Variants in DPF3 observed in about 807,000 individuals in gnomAD.
DPF3 encodes the protein zinc finger protein DPF3.
A neutral mutation model predicts 56.8 loss-of-function variants in DPF3; 18 were observed. The observed-to-expected ratio is 0.32, with a 90% CI of 0.22 to 0.47. The LOEUF (loss-of-function observed/expected upper bound fraction) is 0.47. Among genes scored for constraint, DPF3 ranks in the 20% least tolerant of loss-of-function variants. The probability of loss-of-function intolerance (pLI) is 1.00; values close to 1 mark genes in which losing one functional copy is unlikely to be tolerated. For missense variants in DPF3, 403 were observed against 488.8 expected, an observed-to-expected ratio of 0.82 and a Z score of 1.65; for synonymous variants, 188 against 180.2, an observed-to-expected ratio of 1.04 and a Z score of -0.35.
Position 72,618,300 on chromosome 14 carries a change from C to A in DPF3, c.*997G>T, listed in dbSNP as rs138109216. On this transcript the variant is annotated 3_prime_UTR_variant, in exon 11 of 11. Coordinates refer to ENST00000556509, the MANE Select transcript of DPF3 (RefSeq NM_001280542.3). ...ATTACTTGGAAAAAGGAATTCAGAG[C>A]GTCGCATCAATACTGAAGGTTTCTC... 1.9e-3 allele frequency among the ~76,000 whole-genome samples: 282 copies of A among 152,328 alleles called. 1 individual carries two copies. The highest frequency in any genetic ancestry group is 6.6e-3 in the African/African-American group (275 of 41,568).
At chr14:72,732,062 G>A (rs1889678310) in intron 3 of DPF3, 128 bp from the exon 4 acceptor site, 3 of 1,236,158 alleles carry the variant, frequency 2.4e-6, no homozygotes, top group Non-Finnish European at 3.3e-6. Context: ...TCTCCTCCTG[G>A]AGGGAGAGGA....
intron 1 of DPF3, among the ~76,000 whole-genome samples, chr14:72,807,299 A>G (rs529663279): frequency 1.3e-5 from 2 of 152,346 alleles, no homozygotes; most frequent in African/African-American, 2.4e-5. Flanking sequence ...TGAAGCACCT[A>G]TTTCTTAGGA....
chr14:72,854,068 T>C (rs374414182), intron 1 of DPF3, among the ~76,000 whole-genome samples: 2 of 152,294 alleles, frequency 1.3e-5, no homozygotes, highest in South Asian at 2.1e-4. Context: ...ATTAAAGTCA[T>C]CTTTTTGGCC....
At chr14:72,817,601 C>A (rs1461266689) in intron 1 of DPF3, among the ~76,000 whole-genome samples, 2 of 152,060 alleles carry the variant, frequency 1.3e-5, no homozygotes, top group Non-Finnish European at 2.9e-5. Flanking sequence ...TTGAACCCAC[C>A]CAGCAGATGG....
At chr14:72,888,095 C>T (rs1189890266) in intron 1 of DPF3, among the ~76,000 whole-genome samples, 1 of 152,102 alleles carries the variant, frequency 6.6e-6, no homozygotes, top group Non-Finnish European at 1.5e-5. Flanking sequence ...AGAACTGAGG[C>T]CTGGCTGGTG....
At position 72,798,254 on chromosome 14, in the gene DPF3, CAAAAAAAAAAAAAAAAAA is replaced by C. The variant is rs35648169; in HGVS notation, c.33-26379_33-26362del. Among the ~76,000 whole-genome samples, 15 of 53,948 alleles carry C rather than the reference CAAAAAAAAAAAAAAAAAA, an allele frequency of 2.8e-4. No individual in the cohort carries two copies. In the Admixed American group the frequency reaches 4.5e-3, roughly 16 times the overall value. 35.4% of individuals were successfully genotyped at this position (53,948 alleles called of 152,430 possible). A position where few individuals can be genotyped will look rare whatever the true frequency, so the allele number is the denominator to read the frequency against. On this transcript the variant is annotated intron_variant, in intron 1 of 10. Coordinates refer to ENST00000556509, the MANE Select transcript of DPF3 (RefSeq NM_001280542.3). ...GGGAAGACAGAGCTAGCCTTCATCTCAAAAAAAAAAAAAAAAAAAAAAAAAAAAAGATTCTACTTCCTC... is the reference window on the plus strand; with the variant it reads ...GGGAAGACAGAGCTAGCCTTCATCTCAAAAAAAAAAAGATTCTACTTCCTC...
chr14:72,830,164 A>C (rs1188386783), intron 1 of DPF3, among the ~76,000 whole-genome samples: 1 of 152,208 alleles, frequency 6.6e-6, no homozygotes, highest in African/African-American at 2.4e-5. Flanking sequence ...ATATCCCCAA[A>C]GTCAGGATAA....
In DPF3 at chr14:72,612,551, C is replaced by A. The variant is rs1449662505; in HGVS notation, c.*6746G>T. 1.9e-6 allele frequency: 1 copy of A among 515,182 alleles called. No homozygotes were observed. The highest frequency in any genetic ancestry group is 3.9e-6 in the Non-Finnish European group (1 of 259,500). 31.9% of individuals were successfully genotyped at this position (515,182 alleles called of 1,614,324 possible). Reference sequence around the variant, plus strand: ...TCCCACTTCCCACCTCCACCCCACTCCTTAGCATCTATCACGGCAGAGGGA... The same window carrying A: ...TCCCACTTCCCACCTCCACCCCACTACTTAGCATCTATCACGGCAGAGGGA... On this transcript the variant is annotated 3_prime_UTR_variant, in exon 11 of 11. Coordinates refer to ENST00000556509, the MANE Select transcript of DPF3 (RefSeq NM_001280542.3).
intron 8 of DPF3, among the ~76,000 whole-genome samples, chr14:72,657,039 T>G (rs973897045): frequency 6.6e-6 from 1 of 152,220 alleles, no homozygotes; most frequent in Non-Finnish European, 1.5e-5. Context: ...TTACTGGTTG[T>G]TTTGGGAGGT....
At position 72,810,473 on chromosome 14, in the gene DPF3, G is replaced by A. The variant is rs543544365; in HGVS notation, c.33-38580C>T. 1.1e-3 allele frequency among the ~76,000 whole-genome samples: 170 copies of A among 152,278 alleles called. 1 individual carries two copies. The highest frequency in any genetic ancestry group is 3.9e-3 in the Admixed American group (59 of 15,300). ...TTCCGGGCTGCAGAGGAAGGTGGGC[G>A]TGTGTGGGGTTAGTGACTTGAAGGG... On this transcript the variant is annotated intron_variant, in intron 1 of 10. Transcript: ENST00000556509.
intron 10 of DPF3, 41 bp downstream of exon 10, chr14:72,619,862 G>A (rs747382527): frequency 9.2e-5 from 137 of 1,491,934 alleles, no homozygotes; most frequent in Non-Finnish European, 1.1e-4. Flanking sequence ...AGTAGTAGTA[G>A]TATCTGTTGC....
intron 6 of DPF3, among the ~76,000 whole-genome samples, chr14:72,706,743 C>A (rs1424344413): frequency 2.0e-5 from 3 of 152,120 alleles, no homozygotes; most frequent in Non-Finnish European, 2.9e-5. Flanking sequence ...GCACCAGGCC[C>A]TGCAGCCTCA....
In DPF3 at chr14:72,838,905, A is replaced by ATATATATATATATATATATATATATATAT; in HGVS notation, c.32+55151_32+55152insATATATATATATATATATATATATATATA. ...ATCTATCATATATATTATCATATAT[A>ATATATATATATATATATATATATATATAT]TTCTTTTTTTTTTTTTTTTTTTTTT... On this transcript the variant is annotated intron_variant, in intron 1 of 10. Coordinates refer to ENST00000556509, the MANE Select transcript of DPF3 (RefSeq NM_001280542.3). 1.2e-4 allele frequency among the ~76,000 whole-genome samples: 8 copies of ATATATATATATATATATATATATATATAT among 64,498 alleles called. 1 individual carries two copies. Among genetic ancestry groups the ATATATATATATATATATATATATATATAT allele is most frequent in the Non-Finnish European group, 1.4e-4 (5 of 36,106 alleles). 42.3% of individuals were successfully genotyped at this position (64,498 alleles called of 152,430 possible).
chr14:72,873,368 A>G (rs903516901), intron 1 of DPF3, among the ~76,000 whole-genome samples: 1 of 152,184 alleles, frequency 6.6e-6, no homozygotes, highest in African/African-American at 2.4e-5. Context: ...CAAAACCACA[A>G]TGAGATACCA....
chr14:72,758,588 T>C (rs1042348486), intron 2 of DPF3, among the ~76,000 whole-genome samples: 3 of 152,142 alleles, frequency 2.0e-5, no homozygotes, highest in African/African-American at 7.2e-5. Context: ...TAGATAGGAC[T>C]GGGAAAAGAA....
chr14:72,643,707 C>T (rs761039078), intron 8 of DPF3, among the ~76,000 whole-genome samples: 4 of 152,246 alleles, frequency 2.6e-5, no homozygotes, highest in Non-Finnish European at 5.9e-5. Context: ...GACCGCCCAT[C>T]ACCAGCTTTC....
chr14:72,822,903 T>C (rs565938560), intron 1 of DPF3, among the ~76,000 whole-genome samples: 1 of 152,262 alleles, frequency 6.6e-6, no homozygotes, highest in Admixed American at 6.5e-5. Context: ...TGCAAAATCC[T>C]CCAAAATCCA....
chr14:72,657,091 T>A (rs1046782174), intron 8 of DPF3, among the ~76,000 whole-genome samples: 5 of 152,238 alleles, frequency 3.3e-5, no homozygotes, highest in Non-Finnish European at 4.4e-5. Context: ...ATATGAAGAA[T>A]CTGAGTACTT....
chr14:72,719,339 A>C (rs1369918972), intron 5 of DPF3, among the ~76,000 whole-genome samples: 5 of 152,020 alleles, frequency 3.3e-5, no homozygotes, highest in Admixed American at 6.6e-5. Flanking sequence ...CTGGGATTAC[A>C]GTTGTGAGCC....
Sources: allele counts gnomAD v4.1 joint callset (sites outside exome capture counted in the v4.1 genomes callset), GRCh38; gene constraint gnomAD v4.1.1; transcripts MANE v1.5; gene names NCBI Gene and HGNC (gene_info 2026-07-23, HGNC 2026-07-21).